The following CHD5 variants were observed in gnomAD, a reference collection of about 807,000 sequenced individuals.
The protein encoded by CHD5 is ATP-dependent chromatin remodeler CHD5.
CHD5 carries 69 observed loss-of-function variants against 230.3 expected under a neutral mutation model. The observed-to-expected ratio is 0.30, with a 90% CI of 0.25 to 0.37. The LOEUF (loss-of-function observed/expected upper bound fraction) is 0.37. Ranked by LOEUF, CHD5 falls within the 10% of genes least tolerant of loss-of-function variation. The probability of loss-of-function intolerance (pLI) is 1.00; values close to 1 mark genes in which losing one functional copy is unlikely to be tolerated. For missense variants in CHD5, 1,827 were observed against 2,622.8 expected, an observed-to-expected ratio of 0.70 and a Z score of 6.63; for synonymous variants, 1,064 against 1,065.9, an observed-to-expected ratio of 1.00 and a Z score of 0.03.
At position 6,109,759 on chromosome 1, in the gene CHD5, C is replaced by CG. The variant is rs546108700; in HGVS notation, c.5578+35dup. ...AGCGCTCGCTGGGCAGGAGGAAGGG[C>CG]GGGGGGCTGCACCGTGGGGGGCAGG... On this transcript the variant is annotated intron_variant, in intron 38 of 41. Coordinates refer to ENST00000262450, the MANE Select transcript of CHD5 (RefSeq NM_015557.3). 632 of 1,573,602 alleles carry CG rather than the reference C, an allele frequency of 4.0e-4. 13 individuals are homozygous for CG. The East Asian group carries it at 0.012, about 29-fold the overall frequency.
intron 7 of CHD5, among the ~76,000 whole-genome samples, chr1:6,150,495 AGGAT>A (rs752119043): frequency 5.8e-5 from 7 of 120,602 alleles, no homozygotes; most frequent in African/African-American, 9.6e-5. Context: ...GATGGACAAA[AGGAT>A]GGATGAATGG....
chr1:6,126,070 C>A lies in CHD5; in HGVS notation c.4079-212G>T, dbSNP rs1366124955. Among the ~76,000 whole-genome samples the A allele has an allele frequency of 6.6e-6, 1 of 152,190 alleles. No individual in the cohort carries two copies. Among genetic ancestry groups the A allele is most frequent in the East Asian group, 1.9e-4 (1 of 5,186 alleles). On this transcript the variant is annotated intron_variant, in intron 26 of 41. Transcript: ENST00000262450. The surrounding 1 kb of genome is among the most constrained non-coding windows in gnomAD (Gnocchi z 5.7). ...GTACCATGTGTACCCACACATTACA[C>A]ATACTGTGTGCAAGGGACGTGCCCA... is the stretch of plus-strand genomic sequence containing the variant.
At chr1:6,179,446 A>G (rs1416075111) in intron 1 of CHD5, among the ~76,000 whole-genome samples, 1 of 152,166 alleles carries the variant, frequency 6.6e-6, no homozygotes, top group South Asian at 2.1e-4. Context: ...CGCGTCCCCA[A>G]GCACCGCCGG....
intron 3 of CHD5, among the ~76,000 whole-genome samples, chr1:6,156,855 A>C (rs1235575101): frequency 6.6e-6 from 1 of 152,146 alleles, no homozygotes; most frequent in African/African-American, 2.4e-5. Flanking sequence ...TGACCAGATG[A>C]CCAGGCCCGG....
chr1:6,145,025 T>C (rs1054706464), intron 11 of CHD5, among the ~76,000 whole-genome samples: 6 of 151,936 alleles, frequency 3.9e-5, no homozygotes, highest in Non-Finnish European at 7.4e-5. Context: ...TTAGTAAAGG[T>C]AGAAAACCAT....
In CHD5 at chr1:6,124,625, C is replaced by T. The variant is rs1488595004; in HGVS notation, c.4431G>A (p.Glu1477=). 2.5e-6 allele frequency: 4 copies of T among 1,587,128 alleles called. No homozygotes were observed. Among genetic ancestry groups the T allele is most frequent in the South Asian group, 2.3e-5 (2 of 88,368 alleles). The change falls in exon 30 of 42, where the codon GAG becomes GAA. Residue 1477 remains glutamate, a synonymous_variant. Transcript: ENST00000262450. ...YVSLFMRHLC[E]PGADGAETFA... ...AGGTCTCTGCACCATCCGCCCCCGGCTCACACAGGTGCCGCATGAAGAGGG... is the reference window on the plus strand; with the variant it reads ...AGGTCTCTGCACCATCCGCCCCCGGTTCACACAGGTGCCGCATGAAGAGGG...
intron 13 of CHD5, among the ~76,000 whole-genome samples, chr1:6,143,187 G>A (rs1469658227): frequency 6.6e-6 from 1 of 151,994 alleles, no homozygotes; most frequent in African/African-American, 2.4e-5. Flanking sequence ...CTAGTAGCTG[G>A]GACCACAGGC....
Position 6,135,379 on chromosome 1 carries a change from C to T in CHD5, c.2721G>A (p.Glu907=). 6.2e-7 allele frequency: 1 copy of T among 1,612,276 alleles called. No homozygotes were observed. Among genetic ancestry groups the T allele is most frequent in the Non-Finnish European group, 8.5e-7 (1 of 1,178,942 alleles). The change falls in exon 18 of 42, where the codon GAG becomes GAA. Residue 907 remains glutamate (E), a synonymous_variant. Coordinates refer to ENST00000262450, the MANE Select transcript of CHD5 (RefSeq NM_015557.3). ...RFNNLEGFLE[E]FADISKEDQI... Reference sequence around the variant, plus strand: ...GGTCTTCCTTGGAGATGTCAGCAAACTCCTCCAGGAAGCCCTCCAGGTTGC... The same window carrying T: ...GGTCTTCCTTGGAGATGTCAGCAAATTCCTCCAGGAAGCCCTCCAGGTTGC...
intron 1 of CHD5, 59 bp downstream of exon 1, chr1:6,179,875 TCCGCCCTGGGC>T: frequency 1.9e-6 from 1 of 518,268 alleles, no homozygotes; most frequent in Non-Finnish European, 2.1e-6. Context: ...CCGCCCGCGC[TCCGCCCTGGGC>T]CCGGCCCGTC....
rs1460124845 is a variant in CHD5 at position 6,131,770 on chromosome 1, G to A, written c.3145-22C>T. 2 of 1,534,718 alleles carry A rather than the reference G, an allele frequency of 1.3e-6. No individual in the cohort carries two copies. Among genetic ancestry groups the A allele is most frequent in the Non-Finnish European group, 1.8e-6 (2 of 1,109,312 alleles). On this transcript the variant is annotated intron_variant, in intron 20 of 41. Coordinates refer to ENST00000262450, the MANE Select transcript of CHD5 (RefSeq NM_015557.3). The surrounding 1 kb of genome is among the most constrained non-coding windows in gnomAD (Gnocchi z 5.0). ...TCATCTGCAGGGGAGACGGGCACGT[G>A]AGGAACTGCCAAGGAGCAAGGGGCC...
Position 6,128,480 on chromosome 1 carries a change from G to A in CHD5, c.3730+19C>T, listed in dbSNP as rs769008215. On this transcript the variant is annotated intron_variant, in intron 24 of 41. Transcript: ENST00000262450. This position sits in a 1 kb window ranked among gnomAD's most constrained non-coding sequence, Gnocchi z 7.8. ...CCTGGTCGGAGGAGGAGCTGAGGCT[G>A]GGCTGGGTTGGCCCCTACCTGGCGG... The A allele has an allele frequency of 6.3e-7, 1 of 1,580,952 alleles. No homozygotes were observed. The highest frequency in any genetic ancestry group is 1.7e-5 in the Admixed American group (1 of 59,838).
chr1:6,175,612 GATGA>G (rs1171183393), intron 1 of CHD5, among the ~76,000 whole-genome samples: 1 of 151,878 alleles, frequency 6.6e-6, no homozygotes, highest in Non-Finnish European at 1.5e-5. Context: ...TTGGAGGATG[GATGA>G]ATGAATGGTG....
chr1:6,136,444 G>GGGCT (rs765110986), intron 17 of CHD5, 73 bp downstream of exon 17: 1 of 1,548,144 alleles, frequency 6.5e-7, no homozygotes, highest in Non-Finnish European at 8.8e-7. Flanking sequence ...CAGCCAGGAT[G>GGGCT]GGCTATTGAT....
At position 6,167,974 on chromosome 1, in the gene CHD5, GGCTTCC is replaced by G. The variant is rs1667280919; in HGVS notation, c.207+170_207+175del. On this transcript the variant is annotated intron_variant, in intron 2 of 41. Transcript: ENST00000262450. This position sits in a 1 kb window ranked among gnomAD's most constrained non-coding sequence, Gnocchi z 4.5. ...GGACAGCTCAGCAACGTCTTAAAAA[GGCTTCC>G]GTGCACAACGCTTCATACGAGAAAC... is the stretch of plus-strand genomic sequence containing the variant. Among the ~76,000 whole-genome samples, 1 of 152,126 alleles carries G rather than the reference GGCTTCC, an allele frequency of 6.6e-6. No individual in the cohort carries two copies. The highest frequency in any genetic ancestry group is 1.5e-5 in the Non-Finnish European group (1 of 68,028).
Position 6,134,302 on chromosome 1 carries a change from T to C in CHD5, c.3013-43A>G. 6.2e-7 allele frequency: 1 copy of C among 1,603,834 alleles called. No homozygotes were observed. Among genetic ancestry groups the C allele is most frequent in the Non-Finnish European group, 8.5e-7 (1 of 1,178,306 alleles). The stretch of plus-strand genomic sequence containing the variant: ...GGTGGGGCATTGGTGGGCTCCCCTC[T>C]CCTCTCTGACTCTGCACCAAAGGGG... On this transcript the variant is annotated intron_variant, in intron 19 of 41. Coordinates refer to ENST00000262450, the MANE Select transcript of CHD5 (RefSeq NM_015557.3). This position sits in a 1 kb window ranked among gnomAD's most constrained non-coding sequence, Gnocchi z 6.3.
chr1:6,178,323 A>G (rs1459433441), intron 1 of CHD5, among the ~76,000 whole-genome samples: 1 of 152,052 alleles, frequency 6.6e-6, no homozygotes, highest in Non-Finnish European at 1.5e-5. Flanking sequence ...AAGTCCCCAC[A>G]TAGTCAGAGA....
rs193276990 is a variant in CHD5, at chr1:6,173,893, A to G, written c.80-5616T>C. Among the ~76,000 whole-genome samples, 236 of 152,344 alleles carry G rather than the reference A, an allele frequency of 1.5e-3. 1 individual carries two copies. Among genetic ancestry groups the G allele is most frequent in the Non-Finnish European group, 2.5e-3 (173 of 68,032 alleles). On this transcript the variant is annotated intron_variant, in intron 1 of 41. Transcript: ENST00000262450. ...GGGGCAGTACACCGCCCAAGAGAGG[A>G]TTCATAATTTATTTATGACATTTAA...
At position 6,168,351 on chromosome 1, in the gene CHD5, C is replaced by T. The variant is rs1334170416; in HGVS notation, c.80-74G>A. 6 of 1,492,138 alleles carry T rather than the reference C, an allele frequency of 4.0e-6. No individual in the cohort carries two copies. In the Admixed American group the frequency reaches 1.3e-4, roughly 32 times the overall value. The allele number at this position is 1,492,138 out of a possible 1,614,324, so 92.4% of individuals were successfully genotyped here. A position where few individuals can be genotyped will look rare whatever the true frequency, so the allele number is the denominator to read the frequency against. On this transcript the variant is annotated intron_variant, in intron 1 of 41. Transcript: ENST00000262450. The stretch of plus-strand genomic sequence containing the variant: ...AGAGCCCTGGAGACACAGAGCCAGC[C>T]CTGGGGAAGCTGGGACCCCCAGACA...
At chr1:6,136,413 G>C (rs915074149) in intron 17 of CHD5, 104 bp downstream of exon 17, 18 of 1,335,338 alleles carry the variant, frequency 1.3e-5, no homozygotes, top group East Asian at 4.6e-5. Context: ...TGATGAGGAA[G>C]CAACGGCCGA....
Sources: gnomAD v4.1 joint callset for allele counts (sites outside exome capture counted in the v4.1 genomes callset) on GRCh38, gnomAD v4.1.1 for gene constraint, Gnocchi (gnomAD v3.1) non-coding constraint, MANE v1.5 for transcripts, NCBI Gene and HGNC (gene_info 2026-07-23, HGNC 2026-07-21) for gene names.